Variants in RNF2 observed in about 807,000 individuals in gnomAD.
RNF2 encodes ring finger protein 2.
Under a neutral mutation model 37.2 loss-of-function variants are expected in RNF2, and 6 were observed. The ratio of observed to expected loss-of-function variants is 0.16; its 90% confidence interval spans 0.09 to 0.32. RNF2 has a LOEUF of 0.32. Among genes scored for constraint, RNF2 ranks in the 10% least tolerant of loss-of-function variants. The pLI is 1.00. For missense variants in RNF2, 251 were observed against 404.0 expected, an observed-to-expected ratio of 0.62 and a Z score of 3.25; for synonymous variants, 133 against 132.7, an observed-to-expected ratio of 1.00 and a Z score of -0.02.
At chr1:185,049,695 G>A (rs796067286) in intron 1 of RNF2, among the ~76,000 whole-genome samples, 4 of 151,700 alleles carry the variant, frequency 2.6e-5, no homozygotes, top group African/African-American at 7.2e-5. Flanking sequence ...GGGGGAGGGG[G>A]GAACATTACA....
At chr1:185,099,678 G>C in intron 5 of RNF2, 113 bp from the exon 6 acceptor site, 1 of 830,826 alleles carries the variant, frequency 1.2e-6, no homozygotes, top group South Asian at 1.7e-5. Context: ...GTCAATAATT[G>C]AGACATTGCC....
chr1:185,092,023 A>G (rs914535302), intron 3 of RNF2: 5 of 246,772 alleles, frequency 2.0e-5, no homozygotes, highest in East Asian at 1.6e-4. Context: ...CGGGGTTTCA[A>G]CTTGTTGGCC....
intron 1 of RNF2, among the ~76,000 whole-genome samples, chr1:185,046,683 AC>A (rs1400682356): frequency 6.6e-6 from 1 of 152,174 alleles, no homozygotes; most frequent in East Asian, 1.9e-4. Flanking sequence ...ATACATATGC[AC>A]TCAGTATTTT....
intron 1 of RNF2, among the ~76,000 whole-genome samples, chr1:185,075,602 A>T (rs1420401944): frequency 6.6e-6 from 1 of 152,184 alleles, no homozygotes; most frequent in Non-Finnish European, 1.5e-5. Context: ...GCCTCAGGAA[A>T]CTTACATTCA....
At chr1:185,096,424 C>T (rs1651912025) in intron 4 of RNF2, among the ~76,000 whole-genome samples, 4 of 152,226 alleles carry the variant, frequency 2.6e-5, no homozygotes, top group East Asian at 3.9e-4. Flanking sequence ...AAATTGAAAC[C>T]CTGTATCCAT....
chr1:185,091,737 T>C lies in RNF2; in HGVS notation c.246T>C (p.Ser82=), dbSNP rs1651768254. 6.2e-7 allele frequency: 1 copy of C among 1,612,980 alleles called. No homozygotes were observed. Among genetic ancestry groups the C allele is most frequent in the Non-Finnish European group, 8.5e-7 (1 of 1,179,402 alleles). The change falls in exon 3 of 7, where the codon AGT becomes AGC. Residue 82 remains serine (S), a splice_region_variant and synonymous_variant. Transcript: ENST00000367510. ...CADCIITALR[S]GNKECPTCRK... Reference sequence around the variant, plus strand: ...ACTGCATCATCACAGCCCTTAGAAGTGGGTATGTTGAAAAGAGTTGTTATA... The same window carrying C: ...ACTGCATCATCACAGCCCTTAGAAGCGGGTATGTTGAAAAGAGTTGTTATA...
intron 1 of RNF2, among the ~76,000 whole-genome samples, chr1:185,083,619 C>G (rs1362395697): frequency 6.6e-6 from 1 of 151,918 alleles, no homozygotes; most frequent in East Asian, 1.9e-4. Flanking sequence ...ATTTTTCTTA[C>G]TCTAGTCACT....
chr1:185,080,752 A>G (rs1651321518), intron 1 of RNF2, among the ~76,000 whole-genome samples: 2 of 152,240 alleles, frequency 1.3e-5, no homozygotes, highest in Non-Finnish European at 2.9e-5. Context: ...CCTAAGTCTT[A>G]TTTGCCACAG....
chr1:185,046,473 A>G (rs1650124818), intron 1 of RNF2, among the ~76,000 whole-genome samples: 1 of 152,174 alleles, frequency 6.6e-6, no homozygotes, highest in African/African-American at 2.4e-5. Flanking sequence ...TCTTGCTTTC[A>G]GAGATGGTGT....
chr1:185,055,504 TCCG>T (rs1650406588), intron 1 of RNF2, among the ~76,000 whole-genome samples: 2 of 152,212 alleles, frequency 1.3e-5, no homozygotes, highest in Admixed American at 1.3e-4. Flanking sequence ...CACTGCAGCC[TCCG>T]CCTCCCAGGT....
At chr1:185,090,332 T>G (rs1489326371) in intron 2 of RNF2, among the ~76,000 whole-genome samples, 1 of 152,166 alleles carries the variant, frequency 6.6e-6, no homozygotes, top group Admixed American at 6.5e-5. Context: ...ATGGTTGAAT[T>G]TATCCAGGGT....
intron 2 of RNF2, among the ~76,000 whole-genome samples, chr1:185,091,220 A>G (rs1651757391): frequency 6.6e-6 from 1 of 152,226 alleles, no homozygotes; most frequent in Admixed American, 6.5e-5. Flanking sequence ...ACAATGTTAA[A>G]TAATTATTTA....
rs753656123 is a variant in RNF2 at position 185,087,573 on chromosome 1, C to T, written c.20C>T (p.Thr7Ile). 2 of 1,614,116 alleles carry T rather than the reference C, an allele frequency of 1.2e-6. No homozygotes were observed. Among genetic ancestry groups the T allele is most frequent in the South Asian group, 1.1e-5 (1 of 91,084 alleles). ...CCAGCAATGTCTCAGGCTGTGCAGA[C>T]AAACGGAACTCAACCATTAAGCAAA... Reference protein sequence around the residue: MSQAVQTNGTQPLSKTW... With the variant: MSQAVQINGTQPLSKTW... The change falls in exon 2 of 7, where the codon ACA becomes ATA. Residue 7 changes from threonine to isoleucine, a missense_variant. Physicochemically the swap from Thr to Ile is moderately conservative, Grantham distance 89 (BLOSUM62 -1). This residue lies in a region of RNF2 where 43 missense variants were observed against 82.7 expected (regional missense o/e 0.52). Transcript: ENST00000367510.
intron 3 of RNF2, among the ~76,000 whole-genome samples, chr1:185,092,322 G>A (rs549456655): frequency 6.6e-6 from 1 of 151,894 alleles, no homozygotes; most frequent in African/African-American, 2.4e-5. Context: ...GATTACAGGC[G>A]TGTATCACCA....
At chr1:185,077,340 A>G (rs2102180841) in intron 1 of RNF2, among the ~76,000 whole-genome samples, 1 of 132,042 alleles carries the variant, frequency 7.6e-6, no homozygotes, top group African/African-American at 2.9e-5. Flanking sequence ...TTTTTTTCCT[A>G]CCATAACATG....
chr1:185,056,809 A>C (rs1346661172), intron 1 of RNF2, among the ~76,000 whole-genome samples: 2 of 152,328 alleles, frequency 1.3e-5, no homozygotes, highest in African/African-American at 4.8e-5. Flanking sequence ...TTTGAATAAA[A>C]TAGTATTCAG....
intron 4 of RNF2, 83 bp from the exon 5 acceptor site, chr1:185,097,989 G>T: frequency 6.8e-7 from 1 of 1,477,268 alleles, no homozygotes; most frequent in Non-Finnish European, 9.2e-7. Context: ...GAATTCTAAA[G>T]TTCAGTAGCA....
At chr1:185,056,902 C>A (rs1650450215) in intron 1 of RNF2, among the ~76,000 whole-genome samples, 1 of 152,036 alleles carries the variant, frequency 6.6e-6, no homozygotes, top group Non-Finnish European at 1.5e-5. Context: ...GGTACTTAAT[C>A]AGTCTTATAT....
Position 185,100,211 on chromosome 1 carries a change from C to A in RNF2, c.921C>A (p.Gly307=). The A allele has an allele frequency of 6.3e-7, 1 of 1,599,392 alleles. No individual in the cohort carries two copies. Among genetic ancestry groups the A allele is most frequent in the Admixed American group, 1.7e-5 (1 of 57,224 alleles). The change falls in exon 7 of 7, where the codon GGC becomes GGA. Residue 307 remains glycine (G), a synonymous_variant. Transcript: ENST00000367510. ...CTTTTTTGTTTTAGGTATTAAATGG[C>A]TCTTTTTCTTTGGAATTGGTCAGTG... ...TASGQFTVLN[G]SFSLELVSEK...
Sources: allele counts gnomAD v4.1 joint callset (sites outside exome capture counted in the v4.1 genomes callset), GRCh38; gene constraint gnomAD v4.1.1; regional missense constraint gnomAD v4.1.1; transcripts MANE v1.5; gene names NCBI Gene and HGNC (gene_info 2026-07-23, HGNC 2026-07-21).